The following GSN variants were observed in gnomAD, a reference collection of about 807,000 sequenced individuals.
GSN encodes gelsolin.
A neutral mutation model predicts 85.7 loss-of-function variants in GSN; 56 were observed. The observed-to-expected ratio is 0.65, with a 90% CI of 0.53 to 0.82. GSN has a LOEUF of 0.82. Ranked by LOEUF, GSN falls within the 40% of genes least tolerant of loss-of-function variation. The pLI, the probability that GSN is intolerant of heterozygous loss-of-function variation, is 0.00. For synonymous variants in GSN, 373 were observed against 399.1 expected (o/e 0.93, Z 0.78); for missense variants, 857 against 979.8 (o/e 0.87, Z 1.67).
At chr9:121,205,629 A>T (rs749939932), upstream of GSN, among the ~76,000 whole-genome samples, 1 of 152,092 alleles carries the variant, frequency 6.6e-6, no homozygotes, top group Non-Finnish European at 1.5e-5. Context: ...TGTCCATCAG[A>T]GAGGAGTGTG....
At chr9:121,207,391 T>G (rs1340079382), upstream of GSN, among the ~76,000 whole-genome samples, 1 of 152,160 alleles carries the variant, frequency 6.6e-6, no homozygotes, top group African/African-American at 2.4e-5. Context: ...ACACAGTGGA[T>G]TGTATTACAG....
intron 8 of GSN, chr9:121,317,518 C>CT: frequency 2.4e-6 from 1 of 408,686 alleles, no homozygotes; most frequent in Non-Finnish European, 4.6e-6. Flanking sequence ...TAGAAAACAT[C>CT]TAACTGTATG....
At chr9:121,315,693 G>A (rs556511070) in intron 7 of GSN, among the ~76,000 whole-genome samples, 147 of 152,256 alleles carry the variant, frequency 9.7e-4, no homozygotes, top group African/African-American at 3.4e-3. Context: ...CCCGGGAGGC[G>A]GAGGTTGCAG....
At chr9:121,263,553 GGA>G (rs965426528), upstream of GSN, among the ~76,000 whole-genome samples, 19 of 152,168 alleles carry the variant, frequency 1.2e-4, no homozygotes, top group Non-Finnish European at 7.4e-5. Context: ...CGTGGTGGCA[GGA>G]GAGAGAGTGT....
intron 4 of GSN, among the ~76,000 whole-genome samples, chr9:121,219,043 C>T (rs2054119151): frequency 6.6e-6 from 1 of 152,170 alleles, no homozygotes; most frequent in Non-Finnish European, 1.5e-5. Flanking sequence ...ACCTGAAGTC[C>T]AATATCTTTA....
intron 4 of GSN, among the ~76,000 whole-genome samples, 177 bp downstream of exon 4, chr9:121,303,242 G>A (rs1564487711): frequency 6.6e-6 from 1 of 152,176 alleles, no homozygotes; most frequent in Non-Finnish European, 1.5e-5. Flanking sequence ...ATGTGAGCTT[G>A]GACAAATCAC....
intron 1 of GSN, chr9:121,207,977 G>C (rs1419249029): frequency 7.8e-6 from 1 of 128,594 alleles, no homozygotes; most frequent in Non-Finnish European, 1.7e-5. Context: ...TGTAGAGACA[G>C]AGTTTCTTGA....
Position 121,318,746 on chromosome 9 carries a change from G to A in GSN, c.1057G>A (p.Gly353Ser). The change falls in exon 10 of 18, where the codon GGC (glycine) becomes AGC (serine). Residue 353 changes from glycine (G) to serine (S), a missense_variant. By Grantham distance (56) the Gly-to-Ser change is moderately conservative (BLOSUM62 0). Transcript: ENST00000432226. This position sits in a 1 kb window ranked among gnomAD's most constrained non-coding sequence, Gnocchi z 4.3. ...KNWRDPDQTD[G>S]LGLSYLSSHI... Reference sequence around the variant, plus strand: ...CTGGCGGGACCCAGACCAGACAGATGGCCTGGGCTTGTCCTACCTTTCCAG... The same window carrying A: ...CTGGCGGGACCCAGACCAGACAGATAGCCTGGGCTTGTCCTACCTTTCCAG... The A allele has an allele frequency of 6.2e-7, 1 of 1,613,924 alleles. No individual in the cohort carries two copies. Among genetic ancestry groups the A allele is most frequent in the Non-Finnish European group, 8.5e-7 (1 of 1,179,870 alleles).
intron 1 of GSN, among the ~76,000 whole-genome samples, chr9:121,269,503 C>T (rs1489152339): frequency 6.6e-6 from 1 of 152,076 alleles, no homozygotes; most frequent in Non-Finnish European, 1.5e-5. Context: ...GACAAGCATT[C>T]CCTGTACATA....
chr9:121,248,736 G>A (rs1342580593), intron 6 of GSN, among the ~76,000 whole-genome samples: 1 of 152,150 alleles, frequency 6.6e-6, no homozygotes, highest in African/African-American at 2.4e-5. Context: ...TAGGCAGAGG[G>A]AACAGAGAGA....
Position 121,217,691 on chromosome 9 carries a change from A to G in GSN, c.-528+6824A>G, listed in dbSNP as rs576464618. 5.9e-5 allele frequency among the ~76,000 whole-genome samples: 9 copies of G among 151,988 alleles called. No homozygotes were observed. The South Asian group carries it at 1.7e-3, about 28-fold the overall frequency. On this transcript the variant is annotated intron_variant, in intron 4 of 24. Transcript: ENST00000373823. ...CTGAGGTACTGGGGGTTAGGACTTC[A>G]ATTCAATTGGGATGTGGCTGAGTGG...
At chr9:121,281,158 C>T (rs1588675598) in intron 1 of GSN, 1 of 165,566 alleles carries the variant, frequency 6.0e-6, no homozygotes, top group Non-Finnish European at 1.3e-5. Context: ...TCCAAAGAGC[C>T]ATCAGGAAAG....
chr9:121,248,808 T>TG (rs34921909), intron 6 of GSN, among the ~76,000 whole-genome samples: 57,472 of 151,812 alleles, frequency 0.38, 13,551 homozygotes, highest in East Asian at 0.62. Context: ...GGAGAAGCCC[T>TG]GGTGTCTGGG....
At position 121,311,097 on chromosome 9, in the gene GSN, T is replaced by C. The variant is rs2061076312; in HGVS notation, c.513+252T>C. ...ACCTTCTGTTCATATGTACGTCTTGTGTCCTTTTTCACATGCTTATAAATA... is the reference window on the plus strand; with the variant it reads ...ACCTTCTGTTCATATGTACGTCTTGCGTCCTTTTTCACATGCTTATAAATA... On this transcript the variant is annotated intron_variant, in intron 5 of 17. Coordinates refer to ENST00000432226, the MANE Select transcript of GSN (RefSeq NM_198252.3). The C allele has an allele frequency of 2.0e-5, 11 of 544,032 alleles. No homozygotes were observed. In the South Asian group the frequency reaches 2.3e-4, roughly 11 times the overall value. 33.7% of individuals were successfully genotyped at this position (544,032 alleles called of 1,614,324 possible). A position where few individuals can be genotyped will look rare whatever the true frequency, so the allele number is the denominator to read the frequency against.
At chr9:121,262,655 T>C (rs1202631356) in intron 6 of GSN, among the ~76,000 whole-genome samples, 1 of 152,244 alleles carries the variant, frequency 6.6e-6, no homozygotes, top group African/African-American at 2.4e-5. Flanking sequence ...AGCATCTTAC[T>C]GGCATTTATT....
chr9:121,291,923 G>A (rs1467782327), intron 2 of GSN, among the ~76,000 whole-genome samples: 1 of 151,832 alleles, frequency 6.6e-6, no homozygotes, highest in Non-Finnish European at 1.5e-5. Context: ...TTGAGTCAGG[G>A]TTTCACTCTG....
chr9:121,201,898 T>G, the GSN span: 1 of 152,508 alleles, frequency 6.6e-6, no homozygotes, highest in South Asian at 2.1e-4. Context: ...GGGTTTCCTG[T>G]CACCCTCGCA....
intron 2 of GSN, among the ~76,000 whole-genome samples, chr9:121,300,525 C>T (rs2059721839): frequency 6.6e-6 from 1 of 152,120 alleles, no homozygotes; most frequent in South Asian, 2.1e-4. Flanking sequence ...TGAGTTCTCC[C>T]CACCTTGTTT....
chr9:121,282,577 G>A, intron 2 of GSN: 1 of 1,155,044 alleles, frequency 8.7e-7, no homozygotes, highest in Non-Finnish European at 1.1e-6. Context: ...GTGGTCCCCA[G>A]GATGTTGTGC....
Sources: gnomAD v4.1 joint callset for allele counts (sites outside exome capture counted in the v4.1 genomes callset) on GRCh38, gnomAD v4.1.1 for gene constraint, Gnocchi (gnomAD v3.1) non-coding constraint, MANE v1.5 for transcripts, NCBI Gene and HGNC (gene_info 2026-07-23, HGNC 2026-07-21) for gene names.